The following YAP1 variants were observed in gnomAD, a reference collection of about 807,000 sequenced individuals.
YAP1 encodes Yes1 associated transcriptional regulator.
Under a neutral mutation model 56.9 loss-of-function variants are expected in YAP1, and 5 were observed. The observed-to-expected ratio is 0.09, with a 90% confidence interval of 0.05 to 0.18. The LOEUF (loss-of-function observed/expected upper bound fraction) is 0.18, where lower values mean the gene tolerates loss of function less well. Ranked by LOEUF, YAP1 falls within the 10% of genes least tolerant of loss-of-function variation. YAP1 has a pLI of 1.00. For missense variants in YAP1, 539 were observed against 651.8 expected (o/e 0.83, Z 1.88); for synonymous variants, 265 against 248.1 (o/e 1.07, Z -0.64).
At chr11:102,130,720 C>CTTTTTTT (rs61175592) in intron 2 of YAP1, among the ~76,000 whole-genome samples, 2 of 98,158 alleles carry the variant, frequency 2.0e-5, no homozygotes, top group Non-Finnish European at 2.0e-5. Context: ...GATAACTACT[C>CTTTTTTT]TTTTTTTTTT....
chr11:102,189,145 A>G (rs904451276), intron 4 of YAP1, among the ~76,000 whole-genome samples: 2 of 152,068 alleles, frequency 1.3e-5, no homozygotes, highest in Non-Finnish European at 2.9e-5. Flanking sequence ...AGTATTATGC[A>G]AGCCATTAAA....
chr11:102,157,347 C>T (rs1373624532), intron 2 of YAP1, among the ~76,000 whole-genome samples: 1 of 152,118 alleles, frequency 6.6e-6, no homozygotes, highest in Non-Finnish European at 1.5e-5. Context: ...AACAATGTAT[C>T]ATTGTTCCTA....
intron 6 of YAP1, among the ~76,000 whole-genome samples, chr11:102,221,898 G>T (rs1451624169): frequency 6.6e-6 from 1 of 151,824 alleles, no homozygotes; most frequent in African/African-American, 2.4e-5. Flanking sequence ...TACTAATGGT[G>T]CATACTACAT....
At chr11:102,128,291 C>T (rs1335405905) in intron 2 of YAP1, among the ~76,000 whole-genome samples, 2 of 152,076 alleles carry the variant, frequency 1.3e-5, no homozygotes, top group Non-Finnish European at 2.9e-5. Context: ...GGGAGGGACT[C>T]GGCGGGGGGT....
chr11:102,164,034 ATT>A (rs570625635), intron 3 of YAP1, among the ~76,000 whole-genome samples: 22 of 142,852 alleles, frequency 1.5e-4, no homozygotes, highest in Admixed American at 2.1e-4. Flanking sequence ...TTAAGTAAAA[ATT>A]TTTTTTTTTT....
chr11:102,168,973 G>C (rs528598173), intron 3 of YAP1, among the ~76,000 whole-genome samples: 63 of 152,288 alleles, frequency 4.1e-4, no homozygotes, highest in African/African-American at 1.4e-3. Flanking sequence ...TTTATGTGCT[G>C]TAATTCAGAA....
intron 3 of YAP1, among the ~76,000 whole-genome samples, chr11:102,183,744 A>C (rs898369811): frequency 1.9e-5 from 2 of 106,566 alleles, no homozygotes; most frequent in African/African-American, 3.6e-5. Flanking sequence ...GTGTGTTTAA[A>C]CCACATATAT....
At chr11:102,139,739 TG>T (rs1944896876) in intron 2 of YAP1, among the ~76,000 whole-genome samples, 1 of 152,196 alleles carries the variant, frequency 6.6e-6, no homozygotes, top group African/African-American at 2.4e-5. Context: ...AAACAGATGT[TG>T]GGTTGTCTGT....
intron 8 of YAP1, 86 bp from the exon 9 acceptor site, chr11:102,229,616 C>T: frequency 7.8e-7 from 1 of 1,283,886 alleles, no homozygotes; most frequent in Non-Finnish European, 1.1e-6. Context: ...CTTTTCTTTC[C>T]CTGTGCATTT....
At chr11:102,223,179 C>T (rs959557746) in intron 6 of YAP1, among the ~76,000 whole-genome samples, 4 of 147,456 alleles carry the variant, frequency 2.7e-5, no homozygotes, top group African/African-American at 7.6e-5. Context: ...ACCCAGGAGG[C>T]GGAGGTTGCA....
At position 102,231,428 on chromosome 11, in the gene YAP1, G is replaced by C. The variant is rs957851517; in HGVS notation, c.*1488G>C. The C allele has an allele frequency of 6.6e-6, 1 of 152,454 alleles. No individual in the cohort carries two copies. Among genetic ancestry groups the C allele is most frequent in the Non-Finnish European group, 1.5e-5 (1 of 68,034 alleles). The allele number at this position is 152,454 out of a possible 1,614,324, so 9.4% of individuals were successfully genotyped here. ...TGCTCCTACTTCTATGCTGAAAATT[G>C]ACCCTGGATAGAATACTATAAGGTT... On this transcript the variant is annotated 3_prime_UTR_variant, in exon 9 of 9. Transcript: ENST00000282441.
At chr11:102,180,775 G>C (rs1221166428) in intron 3 of YAP1, among the ~76,000 whole-genome samples, 1 of 151,054 alleles carries the variant, frequency 6.6e-6, no homozygotes, top group African/African-American at 2.4e-5. Context: ...TTTTTTACTA[G>C]CACAGAGAAA....
intron 3 of YAP1, among the ~76,000 whole-genome samples, chr11:102,165,797 A>G (rs1946569746): frequency 6.6e-6 from 1 of 152,204 alleles, no homozygotes; most frequent in Admixed American, 6.5e-5. Context: ...TAACTGACAG[A>G]GCGAAGCCTC....
In YAP1 at chr11:102,206,091, G is replaced by A; in HGVS notation, c.984+17G>A. The A allele has an allele frequency of 6.3e-7, 1 of 1,597,728 alleles. No individual in the cohort carries two copies. Among genetic ancestry groups the A allele is most frequent in the Non-Finnish European group, 8.6e-7 (1 of 1,169,310 alleles). On this transcript the variant is annotated intron_variant, in intron 5 of 8. Coordinates refer to ENST00000282441, the MANE Select transcript of YAP1 (RefSeq NM_001130145.3). ...CTTCGGCAGGTGAGGCCACAGGTTA[G>A]AAACCAGCCTTCCACTTTTGGGGGT...
At chr11:102,192,024 T>C (rs1008527031) in intron 4 of YAP1, among the ~76,000 whole-genome samples, 3 of 152,200 alleles carry the variant, frequency 2.0e-5, no homozygotes, top group Non-Finnish European at 1.5e-5. Context: ...GAACAGACTT[T>C]AAAGGCATCT....
intron 6 of YAP1, among the ~76,000 whole-genome samples, chr11:102,218,890 T>G (rs1286115191): frequency 1.3e-5 from 2 of 152,296 alleles, no homozygotes; most frequent in South Asian, 4.1e-4. Flanking sequence ...TTAACAAACA[T>G]AGTGGCCAAA....
chr11:102,148,633 A>T (rs2135332615), intron 2 of YAP1, among the ~76,000 whole-genome samples: 1 of 152,284 alleles, frequency 6.6e-6, no homozygotes, highest in East Asian at 1.9e-4. Context: ...TAAAGTATTT[A>T]TTCAATATAT....
rs547842587 is a variant in YAP1, at chr11:102,171,354, C to A, written c.688+8783C>A. On this transcript the variant is annotated intron_variant, in intron 3 of 8. Coordinates refer to ENST00000282441, the MANE Select transcript of YAP1 (RefSeq NM_001130145.3). ...CTTTAAAAATGATATTCATAGACTA[C>A]CATATATAGTCAGCATAAGTGAAAC... Among the ~76,000 whole-genome samples the A allele has an allele frequency of 4.6e-5, 7 of 152,250 alleles. No homozygotes were observed. In the South Asian group the frequency reaches 1.5e-3, roughly 32 times the overall value.
intron 2 of YAP1, among the ~76,000 whole-genome samples, chr11:102,135,951 A>G (rs1018393341): frequency 6.6e-6 from 1 of 152,152 alleles, no homozygotes; most frequent in Admixed American, 6.5e-5. Flanking sequence ...CAGTTTATCC[A>G]TTCTGTCATT....
Sources: allele counts gnomAD v4.1 joint callset (sites outside exome capture counted in the v4.1 genomes callset), GRCh38; gene constraint gnomAD v4.1.1; transcripts MANE v1.5; gene names NCBI Gene and HGNC (gene_info 2026-07-23, HGNC 2026-07-21).